VPS13C: variants seen among roughly 807,000 people sequenced by gnomAD.
VPS13C encodes the protein intermembrane lipid transfer protein VPS13C.
In VPS13C, 358 loss-of-function variants were observed where a neutral mutation model predicts 456.8. That is an observed-to-expected ratio of 0.78 (90% CI 0.72 to 0.86). VPS13C has a LOEUF of 0.86. Among genes scored for constraint, VPS13C ranks in the 40% least tolerant of loss-of-function variants. The pLI, the probability that VPS13C is intolerant of heterozygous loss-of-function variation, is 0.00. For synonymous variants in VPS13C, 1,578 were observed against 1,486.7 expected, an observed-to-expected ratio of 1.06 and a Z score of -1.41; for missense variants, 4,818 against 4,385.4, an observed-to-expected ratio of 1.10 and a Z score of -2.79.
intron 15 of VPS13C, among the ~76,000 whole-genome samples, chr15:62,006,373 C>A (rs1162458201): frequency 6.6e-6 from 1 of 151,922 alleles, no homozygotes; most frequent in Admixed American, 6.6e-5. Flanking sequence ...TTTGTCCTTG[C>A]GATAGTTTGC....
intron 31 of VPS13C, 97 bp from the exon 32 acceptor site, chr15:61,964,048 T>TA (rs953571604): frequency 3.7e-5 from 24 of 641,454 alleles, no homozygotes; most frequent in Non-Finnish European, 5.3e-5. Context: ...ACTGTTATGT[T>TA]AAAAAAAATT....
chr15:61,909,054 C>T lies in VPS13C; in HGVS notation c.8916G>A (p.Glu2972=), dbSNP rs1278128548. Residue 2972 remains glutamate (E), a synonymous_variant, in exon 65 of 85, where the codon GAG becomes GAA. Coordinates refer to ENST00000644861, the MANE Select transcript of VPS13C (RefSeq NM_020821.3). ...STVITFSDYH[E]GSAPALIMNH... ...TCATTATCAAGGCAGGTGCAGATCC[C>T]TCATGGTAATCAGAAAAAGTTATGA... The T allele has an allele frequency of 6.2e-7, 1 of 1,613,648 alleles. No individual in the cohort carries two copies. The highest frequency in any genetic ancestry group is 1.1e-5 in the South Asian group (1 of 91,044).
chr15:61,919,720 T>A (rs1442842672), intron 57 of VPS13C, among the ~76,000 whole-genome samples: 1 of 151,172 alleles, frequency 6.6e-6, no homozygotes, highest in Non-Finnish European at 1.5e-5. Context: ...ACAATCTTTT[T>A]CTTTGTCACA....
intron 81 of VPS13C, chr15:61,866,366 C>A (rs1162628032): frequency 1.0e-6 from 1 of 983,430 alleles, no homozygotes; most frequent in East Asian, 1.1e-4. Context: ...AAGTTTTGTG[C>A]TTTTTGACAG....
intron 66 of VPS13C, among the ~76,000 whole-genome samples, chr15:61,901,667 C>A (rs920971410): frequency 6.6e-6 from 1 of 151,908 alleles, no homozygotes; most frequent in African/African-American, 2.4e-5. Flanking sequence ...GTTGGTGGGA[C>A]TGTAAACTAG....
At chr15:61,875,337 A>T (rs1353949756) in intron 76 of VPS13C, among the ~76,000 whole-genome samples, 1 of 152,036 alleles carries the variant, frequency 6.6e-6, no homozygotes, top group African/African-American at 2.4e-5. Context: ...TATTCTCCGA[A>T]AACCCTCATA....
chr15:61,963,789 A>G, intron 32 of VPS13C, 46 bp downstream of exon 32: 5 of 1,390,098 alleles, frequency 3.6e-6, no homozygotes, highest in Non-Finnish European at 5.1e-6. Context: ...AAAAAGAAGG[A>G]AAAGTTTATC....
At chr15:62,045,892 TTGAG>T (rs2048384356) in intron 1 of VPS13C, among the ~76,000 whole-genome samples, 1 of 152,128 alleles carries the variant, frequency 6.6e-6, no homozygotes, top group Admixed American at 6.5e-5. Context: ...TCACAGAATA[TTGAG>T]TTTTTTAAAA....
intron 49 of VPS13C, among the ~76,000 whole-genome samples, chr15:61,933,963 T>G (rs1222614253): frequency 6.6e-6 from 1 of 152,060 alleles, no homozygotes; most frequent in African/African-American, 2.4e-5. Flanking sequence ...TGGTAATAAA[T>G]CAAAATGTGT....
At chr15:61,943,255 C>A (rs72747901) in intron 45 of VPS13C, among the ~76,000 whole-genome samples, 10,400 of 152,036 alleles carry the variant, frequency 0.068, 587 homozygotes, top group East Asian at 0.2. Flanking sequence ...TTTCACAGAA[C>A]TAGAAAAAAC....
chr15:61,870,645 T>C (rs1894952397), intron 79 of VPS13C, among the ~76,000 whole-genome samples: 1 of 152,214 alleles, frequency 6.6e-6, no homozygotes, highest in South Asian at 2.1e-4. Context: ...GGTATAAACC[T>C]AGGAGTAGAA....
At chr15:61,983,350 C>T (rs1417376447) in intron 20 of VPS13C, among the ~76,000 whole-genome samples, 4 of 152,158 alleles carry the variant, frequency 2.6e-5, no homozygotes, top group African/African-American at 9.7e-5. Context: ...AAGGTAAAGT[C>T]ATAGATACAG....
intron 1 of VPS13C, among the ~76,000 whole-genome samples, chr15:62,058,871 C>G (rs2048892376): frequency 6.6e-6 from 1 of 151,640 alleles, no homozygotes; most frequent in South Asian, 2.1e-4. Context: ...GAGCTACGAT[C>G]TTGCCACTGC....
chr15:61,978,430 G>A (rs956581735), intron 23 of VPS13C, among the ~76,000 whole-genome samples, 196 bp downstream of exon 23: 6 of 152,154 alleles, frequency 3.9e-5, no homozygotes, highest in Non-Finnish European at 7.4e-5. Context: ...AAGATGACTA[G>A]CCAAATTTCC....
At chr15:61,870,932 A>G (rs1253438388) in intron 79 of VPS13C, among the ~76,000 whole-genome samples, 3 of 152,110 alleles carry the variant, frequency 2.0e-5, no homozygotes, top group African/African-American at 4.8e-5. Flanking sequence ...GTCTATTCAT[A>G]TCTTTTGCTC....
intron 44 of VPS13C, 145 bp from the exon 45 acceptor site, chr15:61,946,027 T>A: frequency 2.5e-6 from 2 of 794,814 alleles, no homozygotes; most frequent in Non-Finnish European, 3.7e-6. Context: ...CTAAAAACAT[T>A]TTACGTGACA....
At position 61,949,557 on chromosome 15, in the gene VPS13C, A is replaced by G. The variant is rs1415891396; in HGVS notation, c.4645T>C (p.Ser1549Pro). The change falls in exon 42 of 85, where the codon TCC becomes CCC. Residue 1549 changes from serine (S) to proline (P), a missense_variant. This residue lies in a region of VPS13C where 4,552 missense variants were observed against 4,130.6 expected (regional missense o/e 1.10). Transcript: ENST00000644861. ...DLVLHLEALL[S>P]FMDFLSSAAP... ...GCAGATGATAAAAAATCCATGAAGGAAAGTAAAGCTTCCAAATGAAGTACT... is the reference window on the plus strand; with the variant it reads ...GCAGATGATAAAAAATCCATGAAGGGAAGTAAAGCTTCCAAATGAAGTACT... 1 of 1,612,416 alleles carries G rather than the reference A, an allele frequency of 6.2e-7. No individual in the cohort carries two copies. The highest frequency in any genetic ancestry group is 8.5e-7 in the Non-Finnish European group (1 of 1,179,646).
At chr15:61,951,594 C>T (rs903659026) in intron 39 of VPS13C, among the ~76,000 whole-genome samples, 1 of 152,122 alleles carries the variant, frequency 6.6e-6, no homozygotes, top group Non-Finnish European at 1.5e-5. Flanking sequence ...TTAAAACTCA[C>T]ATAATTTAAA....
chr15:61,990,864 C>A, intron 18 of VPS13C, 136 bp downstream of exon 18: 1 of 628,388 alleles, frequency 1.6e-6, no homozygotes, highest in Non-Finnish European at 2.7e-6. Context: ...TAAAACCTGA[C>A]TGAAACATTC....
Sources: gnomAD v4.1 joint callset for allele counts (sites outside exome capture counted in the v4.1 genomes callset) on GRCh38, gnomAD v4.1.1 for gene constraint, gnomAD v4.1.1 regional missense constraint, MANE v1.5 for transcripts, NCBI Gene and HGNC (gene_info 2026-07-23, HGNC 2026-07-21) for gene names.